Variants in CACNG2 observed in about 807,000 individuals in gnomAD.
CACNG2 encodes the protein calcium voltage-gated channel auxiliary subunit gamma 2, also known as voltage-dependent calcium channel gamma-2 subunit.
A neutral mutation model predicts 25.9 loss-of-function variants in CACNG2; 3 were observed. That is an observed-to-expected ratio of 0.12 (90% confidence interval 0.05 to 0.30). CACNG2 has a LOEUF of 0.30. CACNG2 is among the 10% of genes least tolerant of loss of function. CACNG2 has a pLI of 1.00. For synonymous variants in CACNG2, 167 were observed against 173.3 expected (o/e 0.96, Z 0.29); for missense variants, 341 against 432.5 (o/e 0.79, Z 1.88).
chr22:36,670,976 T>C (rs1936941391), intron 1 of CACNG2, among the ~76,000 whole-genome samples: 1 of 151,408 alleles, frequency 6.6e-6, no homozygotes, highest in Admixed American at 6.6e-5. Context: ...TGGAGTGCAG[T>C]GGCATGATCT....
chr22:36,634,629 G>T (rs2145961100), intron 1 of CACNG2, among the ~76,000 whole-genome samples: 1 of 152,308 alleles, frequency 6.6e-6, no homozygotes, highest in South Asian at 2.1e-4. Context: ...TCCCAGGACA[G>T]GTCTGGTATA....
intron 1 of CACNG2, among the ~76,000 whole-genome samples, chr22:36,695,708 G>A (rs926852866): frequency 5.9e-5 from 9 of 152,210 alleles, no homozygotes; most frequent in African/African-American, 2.2e-4. Context: ...AGTATTATGA[G>A]CTCACGTCTC....
At chr22:36,599,371 T>C (rs774193458) in intron 1 of CACNG2, among the ~76,000 whole-genome samples, 1 of 152,176 alleles carries the variant, frequency 6.6e-6, no homozygotes, top group Non-Finnish European at 1.5e-5. Flanking sequence ...GGCAAAACTG[T>C]AAAGTCAAGC....
chr22:36,702,223 CA>C (rs1937418719), intron 1 of CACNG2, 142 bp downstream of exon 1: 5 of 648,118 alleles, frequency 7.7e-6, no homozygotes, highest in South Asian at 5.5e-5. Context: ...GAAACTAACC[CA>C]ACCAACCTTG....
intron 2 of CACNG2, among the ~76,000 whole-genome samples, chr22:36,569,392 G>A (rs1449783150): frequency 6.6e-6 from 1 of 152,148 alleles, no homozygotes; most frequent in Non-Finnish European, 1.5e-5. Flanking sequence ...GGCTTCCAAG[G>A]AGCCCAGGAA....
At chr22:36,593,373 G>A (rs1421316144) in intron 1 of CACNG2, among the ~76,000 whole-genome samples, 1 of 152,186 alleles carries the variant, frequency 6.6e-6, no homozygotes, top group African/African-American at 2.4e-5. Context: ...CTGAATGGCG[G>A]CGGCCATGAG....
chr22:36,679,136 C>T (rs12159518), intron 1 of CACNG2, among the ~76,000 whole-genome samples: 3 of 128,458 alleles, frequency 2.3e-5, no homozygotes, highest in African/African-American at 9.1e-5. Flanking sequence ...TGGATTTTCT[C>T]CCTTCCTTCC....
At chr22:36,658,416 A>T (rs991291897) in intron 1 of CACNG2, among the ~76,000 whole-genome samples, 4 of 152,260 alleles carry the variant, frequency 2.6e-5, no homozygotes, top group African/African-American at 7.2e-5. Context: ...GAAGAGGAGC[A>T]GAGAGAAGCA....
intron 3 of CACNG2, among the ~76,000 whole-genome samples, chr22:36,565,307 C>T (rs1303680013): frequency 2.0e-5 from 3 of 152,144 alleles, no homozygotes; most frequent in Non-Finnish European, 2.9e-5. Context: ...GGTGTAGCAG[C>T]GGGTGAAGGC....
chr22:36,660,613 C>T (rs1601441827), intron 1 of CACNG2, among the ~76,000 whole-genome samples: 1 of 152,252 alleles, frequency 6.6e-6, no homozygotes, highest in Non-Finnish European at 1.5e-5. Context: ...CTTCCTTCCA[C>T]CAGCCTGGCC....
At chr22:36,571,881 AC>A (rs1371618133) in intron 2 of CACNG2, among the ~76,000 whole-genome samples, 12 of 139,296 alleles carry the variant, frequency 8.6e-5, no homozygotes, top group Admixed American at 6.2e-4. Flanking sequence ...TGTCTCAAAA[AC>A]AAAAAAAAAA....
chr22:36,630,028 A>C (rs550247586), intron 1 of CACNG2, among the ~76,000 whole-genome samples: 2 of 152,206 alleles, frequency 1.3e-5, no homozygotes, highest in East Asian at 3.9e-4. Flanking sequence ...CATTTTGGGG[A>C]GAGGGAACAG....
chr22:36,602,675 T>C (rs1935772456), intron 1 of CACNG2, among the ~76,000 whole-genome samples: 1 of 152,238 alleles, frequency 6.6e-6, no homozygotes, highest in African/African-American at 2.4e-5. Flanking sequence ...CGTGAGCCAC[T>C]GCGCCCGGAC....
At chr22:36,566,234 G>A in intron 3 of CACNG2, 119 bp downstream of exon 3, 1 of 1,051,190 alleles carries the variant, frequency 9.5e-7, no homozygotes, top group South Asian at 1.3e-5. Flanking sequence ...ACGACCTAGT[G>A]CAAGTCTTGG....
chr22:36,623,199 T>G (rs1355282982), intron 1 of CACNG2, among the ~76,000 whole-genome samples: 2 of 151,450 alleles, frequency 1.3e-5, no homozygotes, highest in East Asian at 2.0e-4. Flanking sequence ...TTTTGTATTT[T>G]TAGAAGAGAT....
intron 1 of CACNG2, among the ~76,000 whole-genome samples, chr22:36,687,147 A>C (rs1414943995): frequency 2.0e-5 from 3 of 152,084 alleles, no homozygotes; most frequent in Admixed American, 1.3e-4. Context: ...CTTGACTGTG[A>C]GGTTGAAGGA....
intron 2 of CACNG2, among the ~76,000 whole-genome samples, chr22:36,575,047 C>T (rs781274312): frequency 2.0e-5 from 3 of 152,128 alleles, no homozygotes; most frequent in Admixed American, 6.5e-5. Context: ...TGGTTAGTGA[C>T]CATCTCAAGA....
chr22:36,594,491 C>T (rs1935642536), intron 1 of CACNG2, among the ~76,000 whole-genome samples: 1 of 152,192 alleles, frequency 6.6e-6, no homozygotes, highest in Admixed American at 6.5e-5. Flanking sequence ...ACAGAAAACA[C>T]ACGCTGTGGT....
At chr22:36,617,631 TA>T (rs1936043204) in intron 1 of CACNG2, among the ~76,000 whole-genome samples, 1 of 147,392 alleles carries the variant, frequency 6.8e-6, no homozygotes, top group Non-Finnish European at 1.5e-5. Flanking sequence ...CCTGGGCATC[TA>T]GTAGGCAGTC....
Sources: gnomAD v4.1 joint callset for allele counts (sites outside exome capture counted in the v4.1 genomes callset) on GRCh38, gnomAD v4.1.1 for gene constraint, MANE v1.5 for transcripts, NCBI Gene and HGNC (gene_info 2026-07-23, HGNC 2026-07-21) for gene names.